Variants in CLTC observed in about 807,000 individuals in gnomAD.
CLTC encodes the protein clathrin heavy chain.
Under a neutral mutation model 195.8 loss-of-function variants are expected in CLTC, and 16 were observed. The observed-to-expected ratio is 0.08, with a 90% CI of 0.06 to 0.12. CLTC has a LOEUF of 0.12. CLTC is among the 10% of genes least tolerant of loss of function. The probability of loss-of-function intolerance (pLI) is 1.00; values close to 1 mark genes in which losing one functional copy is unlikely to be tolerated. For synonymous variants in CLTC, 667 were observed against 689.4 expected, an observed-to-expected ratio of 0.97 and a Z score of 0.51; for missense variants, 796 against 2,027.0, an observed-to-expected ratio of 0.39 and a Z score of 11.66.
At position 59,663,868 on chromosome 17, in the gene CLTC, T is replaced by C; in HGVS notation, c.1395T>C (p.Asp465=). ...DKLECSEELG[D]LVKSVDPTLA... ...TGGAATGTTCTGAAGAACTGGGTGA[T>C]CTTGTGAAATCTGTGGACCCTACAT... The change falls in exon 9 of 32, where the codon GAT becomes GAC. Residue 465 remains aspartate, a synonymous_variant. Transcript: ENST00000269122. 6.2e-7 allele frequency: 1 copy of C among 1,613,172 alleles called. No individual in the cohort carries two copies. Among genetic ancestry groups the C allele is most frequent in the Non-Finnish European group, 8.5e-7 (1 of 1,179,708 alleles).
Position 59,685,536 on chromosome 17 carries a change from G to C in CLTC, c.4606-51G>C, listed in dbSNP as rs2033166137. ...TTCCATTGTTTTTCTTGGTTTACTA[G>C]TTCAGTATGTGGGGTCTAATGTTTT... is the stretch of plus-strand genomic sequence containing the variant. On this transcript the variant is annotated intron_variant, in intron 29 of 31. Coordinates refer to ENST00000269122, the MANE Select transcript of CLTC (RefSeq NM_004859.4). The surrounding 1 kb of genome is among the most constrained non-coding windows in gnomAD (Gnocchi z 5.0). The C allele has an allele frequency of 6.9e-7, 1 of 1,452,094 alleles. No individual in the cohort carries two copies. The highest frequency in any genetic ancestry group is 9.6e-7 in the Non-Finnish European group (1 of 1,045,866). The allele number at this position is 1,452,094 out of a possible 1,614,324, so 90.0% of individuals were successfully genotyped here. A position where few individuals can be genotyped will look rare whatever the true frequency, so the allele number is the denominator to read the frequency against.
Position 59,666,660 on chromosome 17 carries a change from A to G in CLTC, c.1947+16A>G. The G allele has an allele frequency of 6.2e-7, 1 of 1,604,070 alleles. No individual in the cohort carries two copies. The highest frequency in any genetic ancestry group is 1.3e-5 in the African/African-American group (1 of 74,780). On this transcript the variant is annotated intron_variant, in intron 12 of 31. Coordinates refer to ENST00000269122, the MANE Select transcript of CLTC (RefSeq NM_004859.4). The surrounding 1 kb of genome is among the most constrained non-coding windows in gnomAD (Gnocchi z 4.9). ...TAACCCTGAGGTATTTCAGTTTCTT[A>G]CCTAATAGATGGTGTTAGTTGTGAT...
At chr17:59,674,569 A>G in intron 15 of CLTC, 132 bp from the exon 16 acceptor site, 1 of 751,140 alleles carries the variant, frequency 1.3e-6, no homozygotes, top group Admixed American at 3.2e-5. Flanking sequence ...CCCTCAGTTT[A>G]TTACTGAATT....
At chr17:59,635,371 T>A (rs1231439992) in intron 1 of CLTC, among the ~76,000 whole-genome samples, 2 of 152,246 alleles carry the variant, frequency 1.3e-5, no homozygotes, top group Non-Finnish European at 2.9e-5. Context: ...AATCTATGAT[T>A]CATTAGGAAG....
chr17:59,678,017 C>A (rs1352377316), intron 17 of CLTC, among the ~76,000 whole-genome samples: 1 of 152,156 alleles, frequency 6.6e-6, no homozygotes, highest in Non-Finnish European at 1.5e-5. Context: ...CCCTGACAAC[C>A]ACCAGACTGT....
In CLTC at chr17:59,682,396, A is replaced by G. The variant is rs1199094987; in HGVS notation, c.3568A>G (p.Ile1190Val). The G allele has an allele frequency of 6.2e-6, 10 of 1,614,032 alleles. No homozygotes were observed. Among genetic ancestry groups the G allele is most frequent in the Non-Finnish European group, 4.2e-6 (5 of 1,180,004 alleles). The change falls in exon 22 of 32, where the codon ATC becomes GTC. Residue 1190 changes from isoleucine (I) to valine (V), a missense_variant. By Grantham distance (29) the Ile-to-Val change is conservative. Coordinates refer to ENST00000269122, the MANE Select transcript of CLTC (RefSeq NM_004859.4). This position sits in a 1 kb window ranked among gnomAD's most constrained non-coding sequence, Gnocchi z 6.8. ...CCGCCTTGCAGAGTTAGAAGAATTT[A>G]TCAATGGACCAAATAATGCTCATAT... Reference protein sequence around the residue: ...TNRLAELEEFINGPNNAHIQQ... With the variant: ...TNRLAELEEFVNGPNNAHIQQ...
intron 16 of CLTC, among the ~76,000 whole-genome samples, chr17:59,675,207 A>G (rs963744912): frequency 2.0e-5 from 3 of 152,152 alleles, no homozygotes; most frequent in African/African-American, 7.2e-5. Flanking sequence ...GGTGTTTCCA[A>G]CCTGAGAAAG....
At chr17:59,638,645 A>G (rs187839183) in intron 1 of CLTC, among the ~76,000 whole-genome samples, 10 of 152,056 alleles carry the variant, frequency 6.6e-5, no homozygotes, top group African/African-American at 2.2e-4. Flanking sequence ...GGAGTGAGCA[A>G]CCTAGATCCC....
At position 59,679,427 on chromosome 17, in the gene CLTC, C is replaced by G; in HGVS notation, c.2827C>G (p.Leu943Val). The G allele has an allele frequency of 6.2e-7, 1 of 1,606,798 alleles. No homozygotes were observed. The highest frequency in any genetic ancestry group is 8.5e-7 in the Non-Finnish European group (1 of 1,176,172). Residue 943 changes from leucine to valine, a missense_variant, in exon 18 of 32, where the codon CTT (leucine) becomes GTT (valine). Physicochemically the swap from Leu to Val is conservative, Grantham distance 32. Coordinates refer to ENST00000269122, the MANE Select transcript of CLTC (RefSeq NM_004859.4). ...VCNENSLFKS[L>V]SRYLVRRKDP... ...CAATGAGAATTCCCTCTTCAAAAGT[C>G]TTTCTCGCTACCTGGTACGTCGAAA...
At chr17:59,687,563 A>AGATACGAGAGATACTAGCTG (rs1228573285) in intron 30 of CLTC, among the ~76,000 whole-genome samples, 1 of 151,568 alleles carries the variant, frequency 6.6e-6, no homozygotes, top group Non-Finnish European at 1.5e-5. Context: ...TGCTGAAAGT[A>AGATACGAGAGATACTAGCTG]GATACGAGAG....
At chr17:59,668,546 A>C (rs918960203) in intron 13 of CLTC, among the ~76,000 whole-genome samples, 1 of 152,204 alleles carries the variant, frequency 6.6e-6, no homozygotes, top group African/African-American at 2.4e-5. Context: ...ACCTGCCTCA[A>C]TAAAAAAGAA....
At position 59,685,655 on chromosome 17, in the gene CLTC, G is replaced by A; in HGVS notation, c.4674G>A (p.Leu1558=). The change falls in exon 30 of 32, where the codon TTG becomes TTA. Residue 1558 remains leucine, a synonymous_variant. Transcript: ENST00000269122. This position sits in a 1 kb window ranked among gnomAD's most constrained non-coding sequence, Gnocchi z 5.0. ...ELAEELLQWF[L]QEEKRECFGA... The stretch of plus-strand genomic sequence containing the variant: ...CTGAAGAACTCCTGCAGTGGTTTTT[G>A]CAGGAAGAAAAAAGAGAGTGCTTTG... The A allele has an allele frequency of 6.2e-7, 1 of 1,614,014 alleles. No homozygotes were observed. Among genetic ancestry groups the A allele is most frequent in the Non-Finnish European group, 8.5e-7 (1 of 1,179,954 alleles).
At position 59,687,487 on chromosome 17, in the gene CLTC, GTTT is replaced by G. The variant is rs531755733; in HGVS notation, c.4827+1690_4827+1692del. On this transcript the variant is annotated intron_variant, in intron 30 of 31. Transcript: ENST00000269122. ...TACATGCCCTAAAAGGCTTTTTGGG[GTTT>G]TTTTTTTTTTGTATTGAAGGACTGT... is the stretch of plus-strand genomic sequence containing the variant. Among the ~76,000 whole-genome samples the G allele has an allele frequency of 4.2e-5, 6 of 141,998 alleles. No homozygotes were observed. The South Asian group carries it at 1.1e-3, about 26-fold the overall frequency. The allele number at this position is 141,998 out of a possible 152,430, so 93.2% of individuals were successfully genotyped here.
intron 30 of CLTC, chr17:59,689,130 G>GT (rs1479059414): frequency 6.6e-6 from 1 of 152,114 alleles, no homozygotes; most frequent in Non-Finnish European, 1.5e-5. Flanking sequence ...GGATAATAGT[G>GT]TATAAAAGTA....
chr17:59,650,415 A>G (rs1403817311), intron 4 of CLTC, among the ~76,000 whole-genome samples: 1 of 150,144 alleles, frequency 6.7e-6, no homozygotes, highest in Non-Finnish European at 1.5e-5. Flanking sequence ...TAGGTAATGT[A>G]TTACCCTTCT....
chr17:59,643,614 T>C (rs1273720277), intron 1 of CLTC, among the ~76,000 whole-genome samples: 1 of 152,168 alleles, frequency 6.6e-6, no homozygotes. Flanking sequence ...TCCTATAGTG[T>C]TACAAAAGTA....
intron 6 of CLTC, among the ~76,000 whole-genome samples, chr17:59,659,813 C>G (rs997542154): frequency 6.6e-6 from 1 of 151,942 alleles, no homozygotes; most frequent in Non-Finnish European, 1.5e-5. Context: ...AGTGGTCCCT[C>G]CCTTCATTGA....
chr17:59,686,198 C>T (rs2033179922), intron 30 of CLTC, among the ~76,000 whole-genome samples: 1 of 151,724 alleles, frequency 6.6e-6, no homozygotes. Context: ...GCCTGTTTCC[C>T]CTGGGGAAGC....
intron 18 of CLTC, among the ~76,000 whole-genome samples, chr17:59,680,037 G>A (rs2143588384): frequency 6.6e-6 from 1 of 151,980 alleles, no homozygotes; most frequent in East Asian, 1.9e-4. Flanking sequence ...ATAAGAGCAA[G>A]ACTGTCTCAA....
Sources: allele counts gnomAD v4.1 joint callset (sites outside exome capture counted in the v4.1 genomes callset), GRCh38; gene constraint gnomAD v4.1.1; non-coding constraint Gnocchi (gnomAD v3.1); transcripts MANE v1.5; gene names NCBI Gene and HGNC (gene_info 2026-07-23, HGNC 2026-07-21).